Variants in DCLK1 observed in about 807,000 individuals in gnomAD.
DCLK1 encodes serine/threonine-protein kinase DCLK1.
DCLK1 carries 16 observed loss-of-function variants against 86.2 expected under a neutral mutation model. That is an observed-to-expected ratio of 0.19 (90% CI 0.13 to 0.28). The LOEUF (loss-of-function observed/expected upper bound fraction) is 0.28. Ranked by LOEUF, DCLK1 falls within the 10% of genes least tolerant of loss-of-function variation. DCLK1 has a pLI of 1.00. For synonymous variants in DCLK1, 369 were observed against 370.5 expected (o/e 1.00, Z 0.05); for missense variants, 590 against 940.2 (o/e 0.63, Z 4.87).
intron 3 of DCLK1, among the ~76,000 whole-genome samples, chr13:36,013,486 T>C (rs376187707): frequency 2.5e-4 from 38 of 152,144 alleles, no homozygotes; most frequent in Admixed American, 9.8e-4. Flanking sequence ...AATACTCTGC[T>C]GTGTGAGGTG....
intron 16 of DCLK1, among the ~76,000 whole-genome samples, chr13:35,777,741 C>A (rs2086448368): frequency 6.6e-6 from 1 of 152,184 alleles, no homozygotes. Context: ...TCATAATATT[C>A]TCAAACCAGC....
At chr13:35,823,298 G>T (rs73176184) in intron 10 of DCLK1, among the ~76,000 whole-genome samples, 2 of 151,428 alleles carry the variant, frequency 1.3e-5, no homozygotes, top group African/African-American at 4.9e-5. Flanking sequence ...TGAGGAACAG[G>T]TAATACTGCA....
intron 16 of DCLK1, among the ~76,000 whole-genome samples, chr13:35,792,598 A>G (rs1179565031): frequency 6.6e-6 from 1 of 152,082 alleles, no homozygotes; most frequent in Non-Finnish European, 1.5e-5. Context: ...CACACTCTGA[A>G]AAAAAGAGGA....
rs9574969 is a variant in DCLK1 at position 35,951,170 on chromosome 13, A to T, written c.724-3713T>A. ...ATGCCTCAAAATCTGACCCCAACCTACCTTTCAAGCTTCCGGTTTTTTTAG... is the reference window on the plus strand; with the variant it reads ...ATGCCTCAAAATCTGACCCCAACCTTCCTTTCAAGCTTCCGGTTTTTTTAG... On this transcript the variant is annotated intron_variant, in intron 3 of 16. Coordinates refer to ENST00000360631, the MANE Select transcript of DCLK1 (RefSeq NM_001330071.2). 7.8e-3 allele frequency among the ~76,000 whole-genome samples: 1,174 copies of T among 151,414 alleles called. 101 individuals are homozygous for T. In the East Asian group the frequency reaches 0.2, roughly 26 times the overall value.
At chr13:35,862,033 A>C (rs1326147622) in intron 5 of DCLK1, among the ~76,000 whole-genome samples, 2 of 6,068 alleles carry the variant, frequency 3.3e-4, no homozygotes, top group Non-Finnish European at 1.6e-3. Context: ...ACTCCGTCTC[A>C]AAAAAAAAAA....
intron 3 of DCLK1, among the ~76,000 whole-genome samples, chr13:36,017,776 G>T (rs139754790): frequency 2.6e-5 from 4 of 151,928 alleles, no homozygotes; most frequent in Non-Finnish European, 4.4e-5. Context: ...AAAAGCAGCC[G>T]CATTTTATTT....
At chr13:35,807,294 A>G (rs555292083) in intron 14 of DCLK1, among the ~76,000 whole-genome samples, 1 of 152,218 alleles carries the variant, frequency 6.6e-6, no homozygotes, top group African/African-American at 2.4e-5. Context: ...CATTCAGTGC[A>G]TTCACATTGT....
intron 8 of DCLK1, among the ~76,000 whole-genome samples, chr13:35,831,036 G>T (rs978664689): frequency 6.6e-6 from 1 of 152,158 alleles, no homozygotes; most frequent in Non-Finnish European, 1.5e-5. Flanking sequence ...TTGGCTCCCA[G>T]CAGGCCAAGG....
In DCLK1 at chr13:35,996,494, A is replaced by G. The variant is rs1593801979; in HGVS notation, c.724-49037T>C. Among the ~76,000 whole-genome samples, 4 of 152,348 alleles carry G rather than the reference A, an allele frequency of 2.6e-5. No homozygotes were observed. In the East Asian group the frequency reaches 7.7e-4, roughly 29 times the overall value. On this transcript the variant is annotated intron_variant, in intron 3 of 16. Coordinates refer to ENST00000360631, the MANE Select transcript of DCLK1 (RefSeq NM_001330071.2). ...TTAAATTGCTAAATTTGAGCAAAGC[A>G]GACTGCCCTCTGTAATGCAGGTGGG...
chr13:36,000,926 C>G (rs1880683678), intron 3 of DCLK1, among the ~76,000 whole-genome samples: 1 of 151,206 alleles, frequency 6.6e-6, no homozygotes, highest in Non-Finnish European at 1.5e-5. Context: ...CTACACATTG[C>G]TATAAAAGTT....
intron 8 of DCLK1, among the ~76,000 whole-genome samples, chr13:35,831,047 A>G (rs1868920721): frequency 6.6e-6 from 1 of 152,172 alleles, no homozygotes; most frequent in Non-Finnish European, 1.5e-5. Flanking sequence ...CAGGCCAAGG[A>G]AGCAGGTTCT....
rs1022551163 is a variant in DCLK1 at position 36,080,629 on chromosome 13, C to T, written c.723+31240G>A. Reference sequence around the variant, plus strand: ...TCTATGTAAAAATAATTTATTGATTCTTGCATTATTTCAATATGTAGCCTG... The same window carrying T: ...TCTATGTAAAAATAATTTATTGATTTTTGCATTATTTCAATATGTAGCCTG... On this transcript the variant is annotated intron_variant, in intron 3 of 16. Transcript: ENST00000360631. 6.6e-5 allele frequency among the ~76,000 whole-genome samples: 10 copies of T among 152,218 alleles called. No homozygotes were observed. In the South Asian group the frequency reaches 2.1e-3, roughly 32 times the overall value.
intron 4 of DCLK1, among the ~76,000 whole-genome samples, chr13:35,939,583 G>T (rs1876968796): frequency 6.6e-6 from 1 of 152,098 alleles, no homozygotes; most frequent in South Asian, 2.1e-4. Flanking sequence ...TTTTTGTAGA[G>T]ATGGGGTTTC....
At chr13:35,863,225 C>A (rs562751303) in intron 5 of DCLK1, among the ~76,000 whole-genome samples, 14 of 152,296 alleles carry the variant, frequency 9.2e-5, no homozygotes, top group African/African-American at 3.1e-4. Flanking sequence ...TGGAACACAT[C>A]CCCATCATCA....
intron 3 of DCLK1, among the ~76,000 whole-genome samples, chr13:35,974,154 A>G (rs531496867): frequency 6.6e-6 from 1 of 152,324 alleles, no homozygotes; most frequent in African/African-American, 2.4e-5. Context: ...TTCGTTGAGC[A>G]TTTGTTATTT....
intron 4 of DCLK1, among the ~76,000 whole-genome samples, chr13:35,901,399 A>T (rs1225480622): frequency 7.0e-6 from 1 of 143,198 alleles, no homozygotes; most frequent in Non-Finnish European, 1.5e-5. Context: ...CAGAGACAGG[A>T]GAATTGCTTG....
intron 4 of DCLK1, among the ~76,000 whole-genome samples, chr13:35,916,999 G>A (rs979714734): frequency 3.9e-5 from 6 of 152,146 alleles, no homozygotes; most frequent in African/African-American, 1.4e-4. Flanking sequence ...GAGGAAAATA[G>A]CATCATTATC....
intron 3 of DCLK1, among the ~76,000 whole-genome samples, chr13:36,096,132 A>G (rs1205909821): frequency 6.6e-6 from 1 of 152,158 alleles, no homozygotes; most frequent in African/African-American, 2.4e-5. Context: ...TTCTTTGGAG[A>G]GACAGATTAC....
intron 3 of DCLK1, among the ~76,000 whole-genome samples, chr13:36,024,421 C>T (rs1047642862): frequency 1.3e-5 from 2 of 152,086 alleles, no homozygotes; most frequent in Non-Finnish European, 2.9e-5. Flanking sequence ...CAAAAATCAA[C>T]TGTATTTCTA....
Sources: allele counts gnomAD v4.1 joint callset (sites outside exome capture counted in the v4.1 genomes callset), GRCh38; gene constraint gnomAD v4.1.1; transcripts MANE v1.5; gene names NCBI Gene and HGNC (gene_info 2026-07-23, HGNC 2026-07-21).